Variants in AFG2A observed in about 807,000 individuals in gnomAD.
AFG2A encodes the protein ATPase family gene 2 protein homolog A.
chr4:123,065,553 A>G, the AFG2A span, among the ~76,000 whole-genome samples: 1 of 152,164 alleles, frequency 6.6e-6, no homozygotes, highest in African/African-American at 2.4e-5. Flanking sequence ...ATATAGGTTG[A>G]AATATAGTAA....
At chr4:123,036,667 A>G in the AFG2A span, among the ~76,000 whole-genome samples, 4 of 152,116 alleles carry the variant, frequency 2.6e-5, no homozygotes, top group Admixed American at 6.6e-5. Context: ...CAACTTGCCT[A>G]ATTGTAGCCA....
the AFG2A span, among the ~76,000 whole-genome samples, chr4:122,927,014 G>A: frequency 3.9e-5 from 6 of 152,150 alleles, no homozygotes; most frequent in Non-Finnish European, 1.5e-5. Context: ...GGAGCTTGGT[G>A]GGGGTGGGGT....
the AFG2A span, among the ~76,000 whole-genome samples, chr4:123,000,001 C>T: frequency 6.6e-6 from 1 of 152,076 alleles, no homozygotes; most frequent in Non-Finnish European, 1.5e-5. Flanking sequence ...TTGTAGTTCT[C>T]CTTGAAGAGG....
chr4:123,022,923 A>G, the AFG2A span, among the ~76,000 whole-genome samples: 1 of 151,974 alleles, frequency 6.6e-6, no homozygotes, highest in Non-Finnish European at 1.5e-5. Flanking sequence ...TTCGCAGTAA[A>G]CTATCTCAAG....
At chr4:123,170,892 A>C in the AFG2A span, among the ~76,000 whole-genome samples, 1 of 152,246 alleles carries the variant, frequency 6.6e-6, no homozygotes, top group African/African-American at 2.4e-5. Context: ...CTCGGCCTCA[A>C]TTTTCTTATC....
chr4:123,197,843 T>C, the AFG2A span, among the ~76,000 whole-genome samples: 1 of 152,086 alleles, frequency 6.6e-6, no homozygotes. Context: ...AAGGCAGGTG[T>C]TAAGAACTTA....
the AFG2A span, among the ~76,000 whole-genome samples, chr4:123,300,766 T>A: frequency 2.0e-5 from 3 of 147,684 alleles, no homozygotes; most frequent in Admixed American, 6.7e-5. Context: ...TTTTTTTTTT[T>A]AGTAGATGAA....
At chr4:122,944,687 G>A in the AFG2A span, among the ~76,000 whole-genome samples, 42 of 152,274 alleles carry the variant, frequency 2.8e-4, no homozygotes, top group African/African-American at 8.9e-4. Flanking sequence ...GAGGAACTGC[G>A]TTCCTTTGGA....
the AFG2A span, among the ~76,000 whole-genome samples, chr4:123,168,727 G>A: frequency 6.6e-6 from 1 of 152,124 alleles, no homozygotes; most frequent in Non-Finnish European, 1.5e-5. Flanking sequence ...TTGTTAAGAG[G>A]AAAGCCAAAG....
chr4:122,938,334 GTC>G, the AFG2A span: 11 of 1,311,060 alleles, frequency 8.4e-6, no homozygotes, highest in Non-Finnish European at 6.9e-6. Flanking sequence ...ATGTGTCAGA[GTC>G]TTTGGATATT....
chr4:123,222,624 T>C, the AFG2A span, among the ~76,000 whole-genome samples: 1 of 152,190 alleles, frequency 6.6e-6, no homozygotes, highest in Non-Finnish European at 1.5e-5. Flanking sequence ...TGTCATACAG[T>C]AGATGTGTAG....
chr4:123,090,070 A>C, the AFG2A span, among the ~76,000 whole-genome samples: 1 of 152,120 alleles, frequency 6.6e-6, no homozygotes, highest in African/African-American at 2.4e-5. Flanking sequence ...CTACCTTCTG[A>C]TGTGTTTTAA....
the AFG2A span, among the ~76,000 whole-genome samples, chr4:123,290,219 C>T: frequency 6.6e-6 from 1 of 152,080 alleles, no homozygotes; most frequent in African/African-American, 2.4e-5. Flanking sequence ...TTCCATTTGT[C>T]TATTTTTGCT....
the AFG2A span, among the ~76,000 whole-genome samples, chr4:123,019,267 G>C: frequency 7.7e-6 from 1 of 130,108 alleles, no homozygotes; most frequent in Admixed American, 8.4e-5. Context: ...CTGGGTCTGA[G>C]ATTTGAACCC....
At chr4:123,310,401 G>C in the AFG2A span, among the ~76,000 whole-genome samples, 2 of 152,256 alleles carry the variant, frequency 1.3e-5, no homozygotes, top group South Asian at 2.1e-4. Flanking sequence ...AATGTAATCC[G>C]TGTTTTCTTT....
the AFG2A span, among the ~76,000 whole-genome samples, chr4:123,308,924 GTC>G: frequency 6.6e-6 from 1 of 152,034 alleles, no homozygotes; most frequent in Non-Finnish European, 1.5e-5. Context: ...CCTTCCTTCT[GTC>G]TCTCATGTCC....
At chr4:123,174,435 T>C in the AFG2A span, among the ~76,000 whole-genome samples, 1 of 152,122 alleles carries the variant, frequency 6.6e-6, no homozygotes, top group Admixed American at 6.5e-5. Context: ...ATAAGACTTT[T>C]GGGGAGCCTC....
the AFG2A span, among the ~76,000 whole-genome samples, chr4:123,277,957 G>A: frequency 6.6e-6 from 1 of 152,132 alleles, no homozygotes; most frequent in Non-Finnish European, 1.5e-5. Flanking sequence ...GTTTCTGCCA[G>A]GTTTGGGTAT....
chr4:123,105,324 A>G, the AFG2A span, among the ~76,000 whole-genome samples: 1 of 152,222 alleles, frequency 6.6e-6, no homozygotes. Flanking sequence ...GGAAAAAAAA[A>G]GATTCCTTTT....
Sources: allele counts gnomAD v4.1 joint callset (sites outside exome capture counted in the v4.1 genomes callset), GRCh38; gene constraint gnomAD v4.1.1; transcripts MANE v1.5; gene names NCBI Gene and HGNC (gene_info 2026-07-23, HGNC 2026-07-21).